Variants in RHBDL3 observed in about 807,000 individuals in gnomAD.
The protein encoded by RHBDL3 is rhomboid like 3, also known as rhomboid-related protein 3.
A neutral mutation model predicts 48.2 loss-of-function variants in RHBDL3; 28 were observed. The observed-to-expected ratio is 0.58, with a 90% CI of 0.43 to 0.80. The LOEUF is 0.80. Among genes scored for constraint, RHBDL3 ranks in the 30% least tolerant of loss-of-function variants. The pLI, the probability that RHBDL3 is intolerant of heterozygous loss-of-function variation, is 0.00. For synonymous variants in RHBDL3, 208 were observed against 232.3 expected (o/e 0.90, Z 0.95); for missense variants, 464 against 542.7 (o/e 0.85, Z 1.44).
At chr17:32,316,208 G>T (rs745626315) in intron 7 of RHBDL3, 24 bp from the exon 8 acceptor site, 7 of 1,594,044 alleles carry the variant, frequency 4.4e-6, no homozygotes, top group African/African-American at 1.3e-5. Flanking sequence ...ATCTGGAACT[G>T]ACTGAGCTCT....
chr17:32,293,446 G>A (rs1227812713), intron 4 of RHBDL3, among the ~76,000 whole-genome samples: 1 of 151,978 alleles, frequency 6.6e-6, no homozygotes, highest in Non-Finnish European at 1.5e-5. Flanking sequence ...GCCAGGTGTG[G>A]TGGTGCACTC....
intron 7 of RHBDL3, among the ~76,000 whole-genome samples, chr17:32,315,817 A>G (rs1244764782): frequency 6.6e-6 from 1 of 151,788 alleles, no homozygotes; most frequent in Admixed American, 6.6e-5. Flanking sequence ...GAGCTAAAAG[A>G]TCCTGGCTTC....
chr17:32,298,263 C>G, intron 6 of RHBDL3, 59 bp downstream of exon 6: 1 of 1,179,334 alleles, frequency 8.5e-7, no homozygotes, highest in African/African-American at 1.5e-5. Context: ...GGTGGGAGAC[C>G]CTGTGGGGCG....
chr17:32,285,371 A>G (rs941120603), intron 3 of RHBDL3, among the ~76,000 whole-genome samples: 7 of 151,628 alleles, frequency 4.6e-5, no homozygotes, highest in African/African-American at 1.2e-4. Context: ...TAGGTAGGGT[A>G]TTGGTGGTAG....
intron 1 of RHBDL3, among the ~76,000 whole-genome samples, chr17:32,266,962 C>G (rs2039647667): frequency 6.6e-6 from 1 of 152,092 alleles, no homozygotes; most frequent in Non-Finnish European, 1.5e-5. Context: ...AGGGCTTCCC[C>G]GCCGTCTGCT....
intron 2 of RHBDL3, chr17:32,284,378 C>G (rs2040143978): frequency 2.8e-6 from 1 of 357,380 alleles, no homozygotes; most frequent in Non-Finnish European, 5.1e-6. Flanking sequence ...ATTCGCACTT[C>G]CCTCTCCATG....
At chr17:32,276,803 C>T (rs1597617567) in intron 2 of RHBDL3, among the ~76,000 whole-genome samples, 1 of 97,474 alleles carries the variant, frequency 1.0e-5, no homozygotes, top group Non-Finnish European at 1.8e-5. Flanking sequence ...CACCTTACTC[C>T]GGCCCTAGCA....
intron 4 of RHBDL3, among the ~76,000 whole-genome samples, chr17:32,289,315 T>C (rs1359552249): frequency 6.7e-6 from 1 of 150,172 alleles, no homozygotes; most frequent in Non-Finnish European, 1.5e-5. Context: ...ACAACAGCAA[T>C]AAAAACAATG....
intron 7 of RHBDL3, among the ~76,000 whole-genome samples, chr17:32,309,317 G>A (rs533544450): frequency 6.6e-6 from 1 of 151,994 alleles, no homozygotes; most frequent in Middle Eastern, 3.4e-3. Context: ...CTTTGGGAGG[G>A]CGAGGCAGGC....
At chr17:32,292,161 A>C (rs2040347207) in intron 4 of RHBDL3, among the ~76,000 whole-genome samples, 1 of 152,200 alleles carries the variant, frequency 6.6e-6, no homozygotes, top group Non-Finnish European at 1.5e-5. Flanking sequence ...TCCCAGAAAA[A>C]AAAAAGAGTT....
intron 2 of RHBDL3, 87 bp downstream of exon 2, chr17:32,268,012 C>G (rs1346703490): frequency 9.8e-7 from 1 of 1,019,092 alleles, no homozygotes; most frequent in Non-Finnish European, 1.6e-6. Context: ...TCCCTAGCTC[C>G]GCGCTCCTGA....
In RHBDL3 at chr17:32,316,151, A is replaced by C. The variant is rs187722089; in HGVS notation, c.883-81A>C. 1,480 of 964,012 alleles carry C rather than the reference A, an allele frequency of 1.5e-3. 2 individuals carry two copies. Among genetic ancestry groups the C allele is most frequent in the Admixed American group, 2.5e-3 (138 of 55,246 alleles). The allele number at this position is 964,012 out of a possible 1,614,324, so 59.7% of individuals were successfully genotyped here. Reference sequence around the variant, plus strand: ...AGGACTTCACGGAGATCCTTATTTTAATGTCAGGTTTTCTTAAGCAAGACA... The same window carrying C: ...AGGACTTCACGGAGATCCTTATTTTCATGTCAGGTTTTCTTAAGCAAGACA... On this transcript the variant is annotated intron_variant, in intron 7 of 8. Transcript: ENST00000269051.
intron 7 of RHBDL3, among the ~76,000 whole-genome samples, chr17:32,314,758 A>C (rs185723741): frequency 6.6e-6 from 1 of 152,300 alleles, no homozygotes; most frequent in Admixed American, 6.5e-5. Context: ...GGTGCCCACC[A>C]TCTGCTAACT....
intron 6 of RHBDL3, among the ~76,000 whole-genome samples, chr17:32,299,190 C>T (rs957616815): frequency 3.9e-5 from 6 of 152,064 alleles, no homozygotes; most frequent in East Asian, 1.9e-4. Flanking sequence ...AGCCGGGCAG[C>T]GTCAGCCTTG....
intron 4 of RHBDL3, among the ~76,000 whole-genome samples, chr17:32,290,806 G>A (rs113004152): frequency 0.016 from 2,486 of 151,994 alleles, 63 homozygotes; most frequent in African/African-American, 0.057. Context: ...AATTCAAGAT[G>A]AGTCTGGACA....
chr17:32,296,576 C>A (rs1418863930), intron 5 of RHBDL3, among the ~76,000 whole-genome samples: 1 of 151,478 alleles, frequency 6.6e-6, no homozygotes, highest in African/African-American at 2.4e-5. Flanking sequence ...CGTTGTGATC[C>A]GCCCACCTCA....
chr17:32,306,346 C>G (rs1004448970), intron 7 of RHBDL3, among the ~76,000 whole-genome samples: 2 of 152,084 alleles, frequency 1.3e-5, no homozygotes, highest in African/African-American at 4.8e-5. Flanking sequence ...ATTGCTTGAA[C>G]CCGGGAGGCG....
intron 6 of RHBDL3, among the ~76,000 whole-genome samples, chr17:32,300,578 A>G (rs1022300156): frequency 6.6e-6 from 1 of 152,124 alleles, no homozygotes; most frequent in Non-Finnish European, 1.5e-5. Context: ...GAAAAAAACC[A>G]AAGGAGACCT....
At chr17:32,319,482 C>T (rs534136441) in intron 8 of RHBDL3, among the ~76,000 whole-genome samples, 28 of 150,950 alleles carry the variant, frequency 1.9e-4, no homozygotes, top group Admixed American at 1.7e-3. Context: ...AATGCTGTAT[C>T]GGAGTTGGAG....
Sources: gnomAD v4.1 joint callset for allele counts (sites outside exome capture counted in the v4.1 genomes callset) on GRCh38, gnomAD v4.1.1 for gene constraint, MANE v1.5 for transcripts, NCBI Gene and HGNC (gene_info 2026-07-23, HGNC 2026-07-21) for gene names.